SDF4: variants seen among roughly 807,000 people sequenced by gnomAD.
SDF4 encodes 45 kDa calcium-binding protein.
In SDF4, 22 loss-of-function variants were observed where a neutral mutation model predicts 34.2. The ratio of observed to expected loss-of-function variants is 0.64; its 90% CI spans 0.46 to 0.92. The LOEUF (loss-of-function observed/expected upper bound fraction) is 0.92. Among genes scored for constraint, SDF4 ranks in the 40% least tolerant of loss-of-function variants. The pLI is 0.00. For missense variants in SDF4, 447 were observed against 499.9 expected, an observed-to-expected ratio of 0.89 and a Z score of 1.01; for synonymous variants, 236 against 203.1, an observed-to-expected ratio of 1.16 and a Z score of -1.38.
At chr1:1,228,387 C>G (rs182022102) in intron 2 of SDF4, 81 bp downstream of exon 2, 1 of 1,423,656 alleles carries the variant, frequency 7.0e-7, no homozygotes. Context: ...CCGGCGCCCC[C>G]CACCGCGCAA....
At chr1:1,219,062 C>T in intron 4 of SDF4, 135 bp from the exon 5 acceptor site, 2 of 1,575,170 alleles carry the variant, frequency 1.3e-6, no homozygotes, top group South Asian at 1.1e-5. Flanking sequence ...CCAGGATTCA[C>T]ACGTCCCCAG....
intron 4 of SDF4, among the ~76,000 whole-genome samples, chr1:1,221,752 A>T (rs554275649): frequency 6.6e-6 from 1 of 152,332 alleles, no homozygotes; most frequent in East Asian, 1.9e-4. Context: ...CTTAAGTCCA[A>T]GAGTTTGAGA....
intron 4 of SDF4, chr1:1,220,714 T>C (rs1168738841): frequency 7.8e-7 from 1 of 1,289,156 alleles, no homozygotes; most frequent in Non-Finnish European, 1.0e-6. Context: ...GAGCTCTAGG[T>C]CCAGGTGGGC....
chr1:1,226,854 A>G (rs1433429186), intron 2 of SDF4, among the ~76,000 whole-genome samples: 2 of 152,068 alleles, frequency 1.3e-5, no homozygotes, highest in Non-Finnish European at 2.9e-5. Context: ...GCACCGGCTG[A>G]GCAGGGACGG....
At position 1,218,876 on chromosome 1, in the gene SDF4, G is replaced by C. The variant is rs752862512; in HGVS notation, c.608C>G (p.Pro203Arg). Residue 203 changes from proline (P) to arginine (R), a missense_variant, in exon 5 of 7, where the codon CCC becomes CGC. By Grantham distance (103) the Pro-to-Arg change is moderately radical (BLOSUM62 -2). Transcript: ENST00000360001. The surrounding 1 kb of genome is among the most constrained non-coding windows in gnomAD (Gnocchi z 7.9). ...CTCCGTCAGCAGCAGGTCTGCAGGG[G>C]GGCTGTCCGCCTGGTACCAGCGGTC... ...LKDRWYQADS[P>R]PADLLLTEEE... 1.9e-6 allele frequency: 3 copies of C among 1,598,238 alleles called. No homozygotes were observed. In the African/African-American group the frequency reaches 4.0e-5, roughly 21 times the overall value.
rs1475447242 is a variant in SDF4 at position 1,217,339 on chromosome 1, G to A, written c.*173C>T. Reference sequence around the variant, plus strand: ...ACCGCGTCACAGCCAAAGCCCCGCCGGGGTGCGCGCTGCAGAGGGGACACG... The same window carrying A: ...ACCGCGTCACAGCCAAAGCCCCGCCAGGGTGCGCGCTGCAGAGGGGACACG... On this transcript the variant is annotated 3_prime_UTR_variant, in exon 7 of 7. Coordinates refer to ENST00000360001, the MANE Select transcript of SDF4 (RefSeq NM_016176.6). This position sits in a 1 kb window ranked among gnomAD's most constrained non-coding sequence, Gnocchi z 8.5. The A allele has an allele frequency of 5.0e-5, 20 of 399,628 alleles. No homozygotes were observed. Among genetic ancestry groups the A allele is most frequent in the East Asian group, 1.3e-4 (2 of 15,300 alleles). 24.8% of individuals were successfully genotyped at this position (399,628 alleles called of 1,614,324 possible).
chr1:1,219,669 C>T lies in SDF4; in HGVS notation c.557-742G>A, dbSNP rs1323342800. 1.2e-5 allele frequency: 12 copies of T among 986,336 alleles called. 1 individual carries two copies. The highest frequency in any genetic ancestry group is 5.2e-4 in the Middle Eastern group (1 of 1,914). The allele number at this position is 986,336 out of a possible 1,614,324, so 61.1% of individuals were successfully genotyped here. A position where few individuals can be genotyped will look rare whatever the true frequency, so the allele number is the denominator to read the frequency against. ...GCCGTGCCCACCCGGCCCCAACGGGCCCTCACCCCGAGGTCCCCACACATC... is the reference window on the plus strand; with the variant it reads ...GCCGTGCCCACCCGGCCCCAACGGGTCCTCACCCCGAGGTCCCCACACATC... On this transcript the variant is annotated intron_variant, in intron 4 of 6. Transcript: ENST00000360001.
chr1:1,222,640 A>C (rs112678550), intron 4 of SDF4, among the ~76,000 whole-genome samples: 17,459 of 152,324 alleles, frequency 0.11, 1,146 homozygotes, highest in East Asian at 0.17. Context: ...GCAGGCCCCA[A>C]CCCAGACTCA....
chr1:1,230,337 C>T (rs946033756), intron 1 of SDF4, among the ~76,000 whole-genome samples: 1 of 152,172 alleles, frequency 6.6e-6, no homozygotes, highest in African/African-American at 2.4e-5. Context: ...CTCCAGGTAT[C>T]GAGAAACACC....
chr1:1,221,053 G>C lies in SDF4; in HGVS notation c.557-2126C>G, dbSNP rs183338651. The C allele has an allele frequency of 4.6e-5, 15 of 324,222 alleles. No individual in the cohort carries two copies. The East Asian group carries it at 1.2e-3, about 26-fold the overall frequency. The allele number at this position is 324,222 out of a possible 1,614,324, so 20.1% of individuals were successfully genotyped here. On this transcript the variant is annotated intron_variant, in intron 4 of 6. Transcript: ENST00000360001. ...GCAGATCCCTTTAGCCCAGGACTTTGAGACCAGCCTGGGCAACACAGGGAG... is the reference window on the plus strand; with the variant it reads ...GCAGATCCCTTTAGCCCAGGACTTTCAGACCAGCCTGGGCAACACAGGGAG...
intron 2 of SDF4, among the ~76,000 whole-genome samples, chr1:1,226,342 C>T (rs1320113123): frequency 1.7e-5 from 2 of 119,696 alleles, no homozygotes; most frequent in South Asian, 2.5e-4. Flanking sequence ...CAACCCTGTA[C>T]GGTCAGGAGG....
In SDF4 at chr1:1,217,505, C is replaced by T. The variant is rs761570976; in HGVS notation, c.*7G>A. ...CGTGGGGGGCGGCGCGGGGCGCGGC[C>T]GGGCGCTCAAAACTCCTCGTGCACG... On this transcript the variant is annotated 3_prime_UTR_variant, in exon 7 of 7. Transcript: ENST00000360001. This position sits in a 1 kb window ranked among gnomAD's most constrained non-coding sequence, Gnocchi z 8.5. 12 of 1,568,424 alleles carry T rather than the reference C, an allele frequency of 7.7e-6. No individual in the cohort carries two copies. The highest frequency in any genetic ancestry group is 2.3e-5 in the East Asian group (1 of 42,986).
intron 4 of SDF4, chr1:1,219,436 A>T (rs1570476015): frequency 9.9e-7 from 1 of 1,014,898 alleles, no homozygotes; most frequent in Non-Finnish European, 1.2e-6. Flanking sequence ...GCCCCTCTGG[A>T]GGAGCGGAAT....
chr1:1,228,361 G>A, intron 2 of SDF4, 107 bp downstream of exon 2: 1 of 1,263,986 alleles, frequency 7.9e-7, no homozygotes, highest in Non-Finnish European at 1.1e-6. Context: ...CAGCCCGGCA[G>A]GTCCCGACAC....
rs1297969807 is a variant in SDF4 at position 1,228,626 on chromosome 1, G to A, written c.147C>T (p.Ile49=). 1 of 1,613,296 alleles carries A rather than the reference G, an allele frequency of 6.2e-7. No individual in the cohort carries two copies. The highest frequency in any genetic ancestry group is 1.7e-5 in the Admixed American group (1 of 60,028). The change falls in exon 2 of 7, where the codon ATC becomes ATT. Residue 49 remains isoleucine, a synonymous_variant. Coordinates refer to ENST00000360001, the MANE Select transcript of SDF4 (RefSeq NM_016176.6). The part of the protein sequence containing the change: ...ERVANREENE[I]LPPDHLNGVK... ...CCCCGTTCAGGTGGTCTGGGGGCAGGATCTCATTCTCCTCCCTGTTGGCTA... is the reference window on the plus strand; with the variant it reads ...CCCCGTTCAGGTGGTCTGGGGGCAGAATCTCATTCTCCTCCCTGTTGGCTA...
chr1:1,219,850 A>G, intron 4 of SDF4: 1 of 985,840 alleles, frequency 1.0e-6, no homozygotes, highest in Non-Finnish European at 1.2e-6. Flanking sequence ...AGCCCCTGCC[A>G]CAAGCCCGGC....
chr1:1,219,776 C>G, intron 4 of SDF4: 1 of 985,950 alleles, frequency 1.0e-6, no homozygotes, highest in Non-Finnish European at 1.2e-6. Flanking sequence ...AGTCAGTGGC[C>G]AAGTCCAGTG....
intron 4 of SDF4, 155 bp from the exon 5 acceptor site, chr1:1,219,082 C>T: frequency 1.3e-6 from 2 of 1,550,898 alleles, no homozygotes; most frequent in East Asian, 2.4e-5. Context: ...GAACATGGCC[C>T]AGCCCCTAAG....
rs558523849 is a variant in SDF4 at position 1,222,097 on chromosome 1, G to A, written c.556+1147C>T. On this transcript the variant is annotated intron_variant, in intron 4 of 6. Coordinates refer to ENST00000360001, the MANE Select transcript of SDF4 (RefSeq NM_016176.6). ...GTATCACGTGACCAGTCCCGTGGGC[G>A]ACACGGGCGCCCTGCAGGGCAGCAG... Among the ~76,000 whole-genome samples, 40 of 152,344 alleles carry A rather than the reference G, an allele frequency of 2.6e-4. No homozygotes were observed. In the East Asian group the frequency reaches 3.7e-3, roughly 14 times the overall value.
Sources: gnomAD v4.1 joint callset for allele counts (sites outside exome capture counted in the v4.1 genomes callset) on GRCh38, gnomAD v4.1.1 for gene constraint, Gnocchi (gnomAD v3.1) non-coding constraint, MANE v1.5 for transcripts, NCBI Gene and HGNC (gene_info 2026-07-23, HGNC 2026-07-21) for gene names.